The following TMBIM4 variants were observed in gnomAD, a reference collection of about 807,000 sequenced individuals.
TMBIM4 encodes the protein protein lifeguard 4.
A neutral mutation model predicts 27.7 loss-of-function variants in TMBIM4; 28 were observed. That is an observed-to-expected ratio of 1.01 (90% CI 0.75 to 1.38). TMBIM4 has a LOEUF of 1.38. TMBIM4 is among the 40% of genes most tolerant of loss of function. The pLI, the probability that TMBIM4 is intolerant of heterozygous loss-of-function variation, is 0.00. For synonymous variants in TMBIM4, 115 were observed against 113.1 expected (o/e 1.02, Z -0.11); for missense variants, 265 against 277.5 (o/e 0.95, Z 0.32).
chr12:66,169,981 TC>T lies in TMBIM4; in HGVS notation c.-31del. 4 of 1,443,500 alleles carry T rather than the reference TC, an allele frequency of 2.8e-6. No homozygotes were observed. Among genetic ancestry groups the T allele is most frequent in the Non-Finnish European group, 3.7e-6 (4 of 1,088,470 alleles). 89.4% of individuals were successfully genotyped at this position (1,443,500 alleles called of 1,614,324 possible). A position where few individuals can be genotyped will look rare whatever the true frequency, so the allele number is the denominator to read the frequency against. ...GCAACAGCACCCCTACCGGTCCCGG[TC>T]CACTAACCGCAACCGCCTCCTCCCC... On this transcript the variant is annotated 5_prime_UTR_variant, in exon 1 of 7. Transcript: ENST00000358230.
chr12:66,157,558 G>A (rs973902650), intron 1 of TMBIM4, among the ~76,000 whole-genome samples: 3 of 152,170 alleles, frequency 2.0e-5, no homozygotes, highest in Non-Finnish European at 4.4e-5. Context: ...GAAGTGGGGC[G>A]CTGCCATACC....
chr12:66,158,482 T>C (rs1388307511), intron 1 of TMBIM4, among the ~76,000 whole-genome samples: 3 of 150,712 alleles, frequency 2.0e-5, no homozygotes, highest in Non-Finnish European at 3.0e-5. Flanking sequence ...CTACTAAAAA[T>C]ACAAAAATTA....
At chr12:66,142,414 T>C (rs2051682390) in intron 5 of TMBIM4, among the ~76,000 whole-genome samples, 1 of 150,176 alleles carries the variant, frequency 6.7e-6, no homozygotes, top group Non-Finnish European at 1.5e-5. Context: ...TTACCCTACT[T>C]GCAGGCTAAC....
chr12:66,137,869 A>G lies in TMBIM4; in HGVS notation c.*91T>C. The G allele has an allele frequency of 1.0e-6, 1 of 967,464 alleles. No individual in the cohort carries two copies. Among genetic ancestry groups the G allele is most frequent in the Non-Finnish European group, 1.6e-6 (1 of 642,430 alleles). 59.9% of individuals were successfully genotyped at this position (967,464 alleles called of 1,614,324 possible). On this transcript the variant is annotated 3_prime_UTR_variant, in exon 7 of 7. Transcript: ENST00000358230. ...GTTTCAAACTTTATTACTTAATGAA[A>G]CAGTTTCTATATACTGCTTCCAATT...
At chr12:66,138,662 A>G (rs2051616625) in intron 6 of TMBIM4, 62 bp downstream of exon 6, 2 of 1,259,580 alleles carry the variant, frequency 1.6e-6, no homozygotes, top group South Asian at 2.8e-5. Flanking sequence ...TAGCTTTTTG[A>G]GGTTATTTAT....
intron 1 of TMBIM4, among the ~76,000 whole-genome samples, chr12:66,168,214 C>G (rs1005417652): frequency 4.0e-5 from 6 of 149,386 alleles, no homozygotes; most frequent in Non-Finnish European, 8.9e-5. Flanking sequence ...AAGCGAGACC[C>G]TGTCTCAAAA....
chr12:66,155,536 T>C (rs1030417720), intron 1 of TMBIM4, among the ~76,000 whole-genome samples: 1 of 152,120 alleles, frequency 6.6e-6, no homozygotes, highest in African/African-American at 2.4e-5. Context: ...TTTTACCACA[T>C]TCCCGGGCTG....
chr12:66,164,692 G>A (rs898444639), intron 1 of TMBIM4, among the ~76,000 whole-genome samples: 3 of 152,180 alleles, frequency 2.0e-5, no homozygotes, highest in Admixed American at 6.5e-5. Flanking sequence ...AGACAAGGAC[G>A]TTTGCTTTTG....
intron 5 of TMBIM4, 54 bp downstream of exon 5, chr12:66,145,787 C>A (rs1354616706): frequency 1.9e-6 from 2 of 1,045,172 alleles, no homozygotes; most frequent in South Asian, 2.8e-5. Context: ...CTCAAAACCA[C>A]CTATAATAAT....
At chr12:66,169,495 C>A in intron 1 of TMBIM4, 2 of 486,388 alleles carry the variant, frequency 4.1e-6, no homozygotes, top group South Asian at 6.7e-5. Flanking sequence ...AGTGATCAAC[C>A]GACTCATTTC....
At chr12:66,159,529 C>A (rs1334680038) in intron 1 of TMBIM4, among the ~76,000 whole-genome samples, 1 of 152,124 alleles carries the variant, frequency 6.6e-6, no homozygotes, top group Non-Finnish European at 1.5e-5. Context: ...CTGGGTAAGA[C>A]CCTCCCAAAT....
At chr12:66,167,143 A>C (rs751350207) in intron 1 of TMBIM4, among the ~76,000 whole-genome samples, 4 of 152,234 alleles carry the variant, frequency 2.6e-5, no homozygotes, top group Non-Finnish European at 4.4e-5. Flanking sequence ...AGCACAGAGG[A>C]AGGCAGTGAA....
In TMBIM4 at chr12:66,137,849, A is replaced by T. The variant is rs2051601647; in HGVS notation, c.*111T>A. 1.2e-6 allele frequency: 1 copy of T among 805,836 alleles called. No homozygotes were observed. The highest frequency in any genetic ancestry group is 1.9e-6 in the Non-Finnish European group (1 of 515,022). The allele number at this position is 805,836 out of a possible 1,614,324, so 49.9% of individuals were successfully genotyped here. On this transcript the variant is annotated 3_prime_UTR_variant, in exon 7 of 7. Coordinates refer to ENST00000358230, the MANE Select transcript of TMBIM4 (RefSeq NM_016056.4). ...TGTAACAGTATTTAATCATTGTTTCAAACTTTATTACTTAATGAAACAGTT... is the reference window on the plus strand; with the variant it reads ...TGTAACAGTATTTAATCATTGTTTCTAACTTTATTACTTAATGAAACAGTT...
intron 3 of TMBIM4, 114 bp downstream of exon 3, chr12:66,152,157 C>A: frequency 2.2e-6 from 1 of 455,282 alleles, no homozygotes; most frequent in Non-Finnish European, 3.7e-6. Flanking sequence ...TCCTAAAGTA[C>A]TCTAAAAAAA....
chr12:66,141,479 T>A (rs2136846520), intron 5 of TMBIM4, among the ~76,000 whole-genome samples: 1 of 152,060 alleles, frequency 6.6e-6, no homozygotes, highest in East Asian at 1.9e-4. Context: ...ACAACCATCT[T>A]AATAATCACA....
At position 66,161,263 on chromosome 12, in the gene TMBIM4, CAG is replaced by C. The variant is rs552211456; in HGVS notation, c.98-7817_98-7816del. On this transcript the variant is annotated intron_variant, in intron 1 of 6. Coordinates refer to ENST00000358230, the MANE Select transcript of TMBIM4 (RefSeq NM_016056.4). The stretch of plus-strand genomic sequence containing the variant: ...TAATTTGCTTTGTTTTGTTTTGAGA[CAG>C]AGTCTTGCTCTGTCGCCCAGGGTGG... The C allele has an allele frequency of 1.2e-4, 18 of 152,660 alleles. No individual in the cohort carries two copies. The East Asian group carries it at 2.7e-3, about 23-fold the overall frequency. The allele number at this position is 152,660 out of a possible 1,614,324, so 9.5% of individuals were successfully genotyped here. A position where few individuals can be genotyped will look rare whatever the true frequency, so the allele number is the denominator to read the frequency against.
intron 1 of TMBIM4, among the ~76,000 whole-genome samples, chr12:66,167,819 C>T (rs532065690): frequency 6.6e-6 from 1 of 152,298 alleles, no homozygotes; most frequent in Admixed American, 6.5e-5. Context: ...ATATTCATGA[C>T]AGCACTATTC....
At chr12:66,138,584 A>G (rs1481706309) in intron 6 of TMBIM4, 140 bp downstream of exon 6, 1 of 611,672 alleles carries the variant, frequency 1.6e-6, no homozygotes, top group Non-Finnish European at 2.6e-6. Flanking sequence ...GGATAATTCT[A>G]TAATCATTCT....
rs148321390 is a variant in TMBIM4 at position 66,162,185 on chromosome 12, T to C, written c.97+7670A>G. Among the ~76,000 whole-genome samples, 551 of 152,246 alleles carry C rather than the reference T, an allele frequency of 3.6e-3. 5 individuals carry two copies. Among genetic ancestry groups the C allele is most frequent in the African/African-American group, 0.013 (521 of 41,538 alleles). ...CCCATCTCCACCCCATGAATTCCCTTCACAAACAGTAGATCTCTCTTGTCT... is the reference window on the plus strand; with the variant it reads ...CCCATCTCCACCCCATGAATTCCCTCCACAAACAGTAGATCTCTCTTGTCT... On this transcript the variant is annotated intron_variant, in intron 1 of 6. Coordinates refer to ENST00000358230, the MANE Select transcript of TMBIM4 (RefSeq NM_016056.4).
Sources: allele counts gnomAD v4.1 joint callset (sites outside exome capture counted in the v4.1 genomes callset), GRCh38; gene constraint gnomAD v4.1.1; transcripts MANE v1.5; gene names NCBI Gene and HGNC (gene_info 2026-07-23, HGNC 2026-07-21).